Variants in DST observed in about 807,000 individuals in gnomAD.
DST encodes the protein bullous pemphigoid antigen.
Under a neutral mutation model 875.2 loss-of-function variants are expected in DST, and 253 were observed. The observed-to-expected ratio is 0.29, with a 90% confidence interval of 0.26 to 0.32. The LOEUF is 0.32. DST is among the 10% of genes least tolerant of loss of function. The pLI, the probability that DST is intolerant of heterozygous loss-of-function variation, is 1.00. For synonymous variants in DST, 3,124 were observed against 3,197.1 expected (o/e 0.98, Z 0.77); for missense variants, 8,287 against 9,111.6 (o/e 0.91, Z 3.68).
At chr6:56,781,518 CTGTT>C (rs1407239685) in intron 4 of DST, among the ~76,000 whole-genome samples, 4 of 152,126 alleles carry the variant, frequency 2.6e-5, no homozygotes, top group African/African-American at 9.7e-5. Flanking sequence ...ATTTGGCTCT[CTGTT>C]TGTCTGTTAT....
At chr6:56,654,975 A>AT (rs1448692257) in intron 10 of DST, among the ~76,000 whole-genome samples, 1 of 152,034 alleles carries the variant, frequency 6.6e-6, no homozygotes, top group African/African-American at 2.4e-5. Context: ...AGCCTGGCCA[A>AT]TATGGTGAAA....
intron 4 of DST, among the ~76,000 whole-genome samples, chr6:56,825,395 A>G (rs2099779131): frequency 6.7e-6 from 1 of 150,374 alleles, no homozygotes; most frequent in Non-Finnish European, 1.5e-5. Flanking sequence ...TAGGAAAACC[A>G]GAGACCTTTG....
intron 10 of DST, among the ~76,000 whole-genome samples, chr6:56,668,719 G>C (rs2099084514): frequency 6.6e-6 from 1 of 152,040 alleles, no homozygotes; most frequent in South Asian, 2.1e-4. Context: ...AGTGAGCTGA[G>C]ATCATGCCAT....
rs1208950965 is a variant in DST at position 56,597,211 on chromosome 6, A to C, written c.12195+529T>G. On this transcript the variant is annotated intron_variant, in intron 47 of 103. Transcript: ENST00000680361. ...GCCATGCTTGTTTCACTGCACTCTA[A>C]CCTGGGCGACAGGGTGAGACCTTGT... is the stretch of plus-strand genomic sequence containing the variant. Among the ~76,000 whole-genome samples the C allele has an allele frequency of 1.1e-4, 16 of 151,066 alleles. 1 individual carries two copies. The Admixed American group carries it at 1.1e-3, about 10-fold the overall frequency.
rs976949512 is a variant in DST at position 56,553,267 on chromosome 6, T to C, written c.15525A>G (p.Val5175=). The change falls in exon 61 of 104, where the codon GTA becomes GTG. Residue 5175 remains valine, a synonymous_variant. Coordinates refer to ENST00000680361, the MANE Select transcript of DST (RefSeq NM_001374736.1). ...TGTCTATCCATGGCCAGAGAGTCTC[T>C]ACTTGCTCTTTATACTTAAGGGCTT... ...LEKALKYKEQ[V]ETLWPWIDKC... is the part of the protein sequence containing the mutation. 7 of 1,613,822 alleles carry C rather than the reference T, an allele frequency of 4.3e-6. No individual in the cohort carries two copies. The Admixed American group carries it at 6.7e-5, about 15-fold the overall frequency.
intron 9 of DST, among the ~76,000 whole-genome samples, chr6:56,689,083 ACTTTC>A (rs1182145723): frequency 1.3e-5 from 2 of 152,142 alleles, no homozygotes; most frequent in Admixed American, 1.3e-4. Flanking sequence ...AAGCTACTTA[ACTTTC>A]CTGAGACTCA....
At chr6:56,680,159 G>A (rs1203609626) in intron 9 of DST, among the ~76,000 whole-genome samples, 2 of 152,098 alleles carry the variant, frequency 1.3e-5, no homozygotes, top group Non-Finnish European at 2.9e-5. Context: ...AAAGTATTCT[G>A]TATTTTCTTG....
At chr6:56,899,175 G>T (rs921626825) in intron 3 of DST, among the ~76,000 whole-genome samples, 3 of 152,120 alleles carry the variant, frequency 2.0e-5, no homozygotes, top group African/African-American at 7.2e-5. Flanking sequence ...TACACATTTA[G>T]CCCTCAGTAA....
chr6:56,827,216 TA>T (rs2099781606), intron 4 of DST, among the ~76,000 whole-genome samples: 1 of 152,116 alleles, frequency 6.6e-6, no homozygotes, highest in Admixed American at 6.5e-5. Context: ...ATTTTTAATT[TA>T]AAAAATGGTA....
rs751733736 is a variant in DST, at chr6:56,470,167, T to C, written c.22437A>G (p.Ala7479=). Residue 7479 remains alanine, a synonymous_variant, in exon 96 of 104, where the codon GCA becomes GCG. Coordinates refer to ENST00000680361, the MANE Select transcript of DST (RefSeq NM_001374736.1). The part of the protein sequence containing the change: ...FVAALHPNKD[A]YKPITDADKI... Reference sequence around the variant, plus strand: ...TGTCGGCATCTGTGATAGGTTTATATGCATCTTTATTTGGGTGAAGGGCTG... The same window carrying C: ...TGTCGGCATCTGTGATAGGTTTATACGCATCTTTATTTGGGTGAAGGGCTG... 6.2e-7 allele frequency: 1 copy of C among 1,613,034 alleles called. No individual in the cohort carries two copies. The highest frequency in any genetic ancestry group is 8.5e-7 in the Non-Finnish European group (1 of 1,179,418).
chr6:56,591,326 A>G (rs1205389534), intron 49 of DST, among the ~76,000 whole-genome samples: 1 of 152,222 alleles, frequency 6.6e-6, no homozygotes, highest in Non-Finnish European at 1.5e-5. Context: ...GTAATTATTC[A>G]AGTTTGTATC....
intron 4 of DST, among the ~76,000 whole-genome samples, chr6:56,791,980 G>A (rs2099725374): frequency 6.6e-6 from 1 of 151,926 alleles, no homozygotes; most frequent in Admixed American, 6.6e-5. Context: ...TCTGGGGCAG[G>A]GAAAGCACAA....
rs35870270 is a variant in DST, at chr6:56,865,261, C to CTGTGTGTGTG, written c.418-13667_418-13658dup. 9.1e-3 allele frequency among the ~76,000 whole-genome samples: 1,315 copies of CTGTGTGTGTG among 143,766 alleles called. 13 individuals carry two copies. Among genetic ancestry groups the CTGTGTGTGTG allele is most frequent in the African/African-American group, 0.031 (1,230 of 39,856 alleles). The allele number at this position is 143,766 out of a possible 152,430, so 94.3% of individuals were successfully genotyped here. On this transcript the variant is annotated intron_variant, in intron 3 of 103. Coordinates refer to ENST00000680361, the MANE Select transcript of DST (RefSeq NM_001374736.1). ...TCTACCTCCCTGCTTCCCTAGTTTT[C>CTGTGTGTGTG]TGTGTGTGTGTGTGTGTGTGTGTGT...
chr6:56,638,039 G>C (rs1157828074), intron 22 of DST, among the ~76,000 whole-genome samples: 1 of 151,928 alleles, frequency 6.6e-6, no homozygotes, highest in Non-Finnish European at 1.5e-5. Context: ...ACCCAAACAA[G>C]ACACAGGACA....
intron 2 of DST, among the ~76,000 whole-genome samples, chr6:56,943,543 C>T (rs1487927955): frequency 5.3e-5 from 8 of 151,830 alleles, no homozygotes; most frequent in African/African-American, 1.7e-4. Flanking sequence ...AGTGACTCTC[C>T]CACCTCAGCC....
At position 56,717,315 on chromosome 6, in the gene DST, G is replaced by A. The variant is rs140336515; in HGVS notation, c.688-12946C>T. ...TGGCACTGCTGATCTGACAGGAGGTGGAGCTCAGGTGATAATGCTTGTTCA... is the reference window on the plus strand; with the variant it reads ...TGGCACTGCTGATCTGACAGGAGGTAGAGCTCAGGTGATAATGCTTGTTCA... On this transcript the variant is annotated intron_variant, in intron 5 of 103. Transcript: ENST00000680361. Among the ~76,000 whole-genome samples the A allele has an allele frequency of 2.7e-3, 407 of 152,262 alleles. 2 individuals carry two copies. Among genetic ancestry groups the A allele is most frequent in the African/African-American group, 8.3e-3 (343 of 41,548 alleles).
At chr6:56,783,870 G>A (rs924012901) in intron 4 of DST, among the ~76,000 whole-genome samples, 8 of 152,108 alleles carry the variant, frequency 5.3e-5, no homozygotes, top group African/African-American at 1.9e-4. Flanking sequence ...TACCTGTTGT[G>A]CCTTTCCATG....
chr6:56,509,269 T>C (rs1253274074), intron 74 of DST, among the ~76,000 whole-genome samples: 1 of 152,158 alleles, frequency 6.6e-6, no homozygotes. Flanking sequence ...CCCATTTTTG[T>C]GGCTATGTGA....
chr6:56,669,752 A>G (rs1314514438), intron 10 of DST, among the ~76,000 whole-genome samples: 2 of 152,196 alleles, frequency 1.3e-5, no homozygotes, highest in African/African-American at 2.4e-5. Flanking sequence ...CTGCAAGCCA[A>G]GTATTTACTG....
Sources: gnomAD v4.1 joint callset for allele counts (sites outside exome capture counted in the v4.1 genomes callset) on GRCh38, gnomAD v4.1.1 for gene constraint, MANE v1.5 for transcripts, NCBI Gene and HGNC (gene_info 2026-07-23, HGNC 2026-07-21) for gene names.